The following TRPC4 variants were observed in gnomAD, a reference collection of about 807,000 sequenced individuals.
TRPC4 encodes short transient receptor potential channel 4.
TRPC4 carries 49 observed loss-of-function variants against 99.4 expected under a neutral mutation model. That is an observed-to-expected ratio of 0.49 (90% CI 0.39 to 0.63). TRPC4 has a LOEUF of 0.63. Ranked by LOEUF, TRPC4 falls within the 20% of genes least tolerant of loss-of-function variation. The pLI is 0.00. For synonymous variants in TRPC4, 454 were observed against 425.9 expected (o/e 1.07, Z -0.81); for missense variants, 898 against 1,152.9 (o/e 0.78, Z 3.20).
intron 1 of TRPC4, among the ~76,000 whole-genome samples, chr13:37,857,976 G>A (rs1959187810): frequency 6.6e-6 from 1 of 151,520 alleles, no homozygotes; most frequent in African/African-American, 2.4e-5. Context: ...AAGTAAAAAG[G>A]CAACCCATAG....
intron 4 of TRPC4, among the ~76,000 whole-genome samples, chr13:37,686,674 T>C (rs1430004365): frequency 6.6e-6 from 1 of 152,208 alleles, no homozygotes; most frequent in East Asian, 1.9e-4. Context: ...TAAAGTGTTA[T>C]AGGCAAGTTG....
At chr13:37,712,099 T>C (rs1593565198) in intron 3 of TRPC4, among the ~76,000 whole-genome samples, 1 of 152,082 alleles carries the variant, frequency 6.6e-6, no homozygotes, top group Non-Finnish European at 1.5e-5. Context: ...GAAAAGGCAG[T>C]CCAAGTGTTG....
At chr13:37,733,475 C>A (rs1019631375) in intron 3 of TRPC4, among the ~76,000 whole-genome samples, 1 of 152,024 alleles carries the variant, frequency 6.6e-6, no homozygotes, top group Admixed American at 6.6e-5. Flanking sequence ...CATGAATAAC[C>A]GGGAGTGCCT....
chr13:37,677,951 A>G (rs1417696395), intron 4 of TRPC4, among the ~76,000 whole-genome samples: 1 of 152,160 alleles, frequency 6.6e-6, no homozygotes, highest in Non-Finnish European at 1.5e-5. Context: ...ACACAAATAA[A>G]CAACCAATCA....
At chr13:37,833,653 T>G (rs1958483414) in intron 1 of TRPC4, among the ~76,000 whole-genome samples, 1 of 152,134 alleles carries the variant, frequency 6.6e-6, no homozygotes, top group African/African-American at 2.4e-5. Context: ...TGGTAAGAAG[T>G]AAGATATTTC....
chr13:37,683,164 C>G (rs1213671274), intron 4 of TRPC4, among the ~76,000 whole-genome samples: 1 of 151,956 alleles, frequency 6.6e-6, no homozygotes, highest in African/African-American at 2.4e-5. Flanking sequence ...CTAAGGGAGA[C>G]TCCAAGAAAA....
At chr13:37,784,676 G>A (rs750272516) in intron 1 of TRPC4, among the ~76,000 whole-genome samples, 10 of 151,906 alleles carry the variant, frequency 6.6e-5, no homozygotes, top group Non-Finnish European at 1.5e-4. Context: ...CATTTTATGA[G>A]TAAATGAATT....
intron 1 of TRPC4, among the ~76,000 whole-genome samples, chr13:37,793,905 A>G (rs1957183286): frequency 6.6e-6 from 1 of 152,160 alleles, no homozygotes; most frequent in Non-Finnish European, 1.5e-5. Context: ...GGCAGGTAAT[A>G]TGTGCATAAA....
At chr13:37,845,217 T>G (rs1464037563) in intron 1 of TRPC4, among the ~76,000 whole-genome samples, 2 of 152,138 alleles carry the variant, frequency 1.3e-5, no homozygotes, top group Non-Finnish European at 2.9e-5. Context: ...TCCTCAAATG[T>G]GGAGGCATTA....
In TRPC4 at chr13:37,784,921, G is replaced by A. The variant is rs146954763; in HGVS notation, c.-27-1561C>T. Reference sequence around the variant, plus strand: ...ATGAAAAACTATTATTTCACAACTGGTATCTCTCTGGCATATTAAACATAG... The same window carrying A: ...ATGAAAAACTATTATTTCACAACTGATATCTCTCTGGCATATTAAACATAG... On this transcript the variant is annotated intron_variant, in intron 1 of 10. Coordinates refer to ENST00000379705, the MANE Select transcript of TRPC4 (RefSeq NM_016179.4). Among the ~76,000 whole-genome samples the A allele has an allele frequency of 4.3e-4, 66 of 152,040 alleles. 1 individual carries two copies. The East Asian group carries it at 0.012, about 28-fold the overall frequency.
Position 37,663,579 on chromosome 13 carries a change from G to C in TRPC4, c.1525C>G (p.Leu509Val). The stretch of plus-strand genomic sequence containing the variant: ...AAAATGTCCAGGAGCATTCTTCCCA[G>C]AGATATTTGCAGAGGTCCCAGGTGA... Reference protein sequence around the residue: ...NSHLGPLQISLGRMLLDILKF... With the variant: ...NSHLGPLQISVGRMLLDILKF... Residue 509 changes from leucine to valine, a missense_variant, in exon 6 of 11, where the codon CTG becomes GTG. Coordinates refer to ENST00000379705, the MANE Select transcript of TRPC4 (RefSeq NM_016179.4). The C allele has an allele frequency of 6.2e-7, 1 of 1,614,194 alleles. No individual in the cohort carries two copies. The highest frequency in any genetic ancestry group is 8.5e-7 in the Non-Finnish European group (1 of 1,180,020).
intron 6 of TRPC4, among the ~76,000 whole-genome samples, chr13:37,658,721 T>G (rs1952326813): frequency 1.3e-5 from 2 of 152,202 alleles, no homozygotes; most frequent in South Asian, 4.1e-4. Context: ...TAGAATAGTT[T>G]CAACAACTAA....
intron 1 of TRPC4, among the ~76,000 whole-genome samples, chr13:37,850,633 GAT>G (rs1489504308): frequency 2.6e-5 from 4 of 151,988 alleles, no homozygotes; most frequent in African/African-American, 9.7e-5. Flanking sequence ...TAAAAATTAA[GAT>G]ATAAAAGAAG....
intron 1 of TRPC4, among the ~76,000 whole-genome samples, chr13:37,835,858 A>T (rs936367054): frequency 2.0e-5 from 3 of 152,198 alleles, no homozygotes; most frequent in Non-Finnish European, 1.5e-5. Flanking sequence ...CTAACATTTA[A>T]TTACTTCTTT....
intron 1 of TRPC4, among the ~76,000 whole-genome samples, chr13:37,809,362 T>C (rs557650409): frequency 6.6e-5 from 10 of 152,152 alleles, no homozygotes; most frequent in African/African-American, 2.4e-4. Context: ...TATCCCGTAG[T>C]TGTTGTTGTT....
At chr13:37,780,695 G>T (rs1240923396) in intron 2 of TRPC4, among the ~76,000 whole-genome samples, 1 of 152,016 alleles carries the variant, frequency 6.6e-6, no homozygotes, top group African/African-American at 2.4e-5. Flanking sequence ...GATTTGATAC[G>T]GCCCAAGCAC....
intron 3 of TRPC4, among the ~76,000 whole-genome samples, chr13:37,698,030 A>C (rs1211196680): frequency 6.6e-6 from 1 of 151,852 alleles, no homozygotes; most frequent in Non-Finnish European, 1.5e-5. Context: ...TGGTTCTCAA[A>C]ATTGAGCAAG....
At chr13:37,746,728 T>C (rs772816908) in intron 2 of TRPC4, among the ~76,000 whole-genome samples, 2 of 152,110 alleles carry the variant, frequency 1.3e-5, no homozygotes, top group Non-Finnish European at 2.9e-5. Flanking sequence ...ACTCTTTACT[T>C]GATGAATGTC....
At chr13:37,854,154 T>C (rs1959126917) in intron 1 of TRPC4, among the ~76,000 whole-genome samples, 1 of 151,986 alleles carries the variant, frequency 6.6e-6, no homozygotes, top group Admixed American at 6.6e-5. Context: ...AGGTCAAGGA[T>C]AAAGAAATTA....
Sources: gnomAD v4.1 joint callset for allele counts (sites outside exome capture counted in the v4.1 genomes callset) on GRCh38, gnomAD v4.1.1 for gene constraint, MANE v1.5 for transcripts, NCBI Gene and HGNC (gene_info 2026-07-23, HGNC 2026-07-21) for gene names.